Variants in SLC35F4 observed in about 807,000 individuals in gnomAD.
The protein encoded by SLC35F4 is solute carrier family 35 member F4.
SLC35F4 carries 24 observed loss-of-function variants against 44.2 expected under a neutral mutation model. That is an observed-to-expected ratio of 0.54 (90% CI 0.39 to 0.76). The LOEUF (loss-of-function observed/expected upper bound fraction) is 0.76. Among genes scored for constraint, SLC35F4 ranks in the 30% least tolerant of loss-of-function variants. The pLI is 0.00. For missense variants in SLC35F4, 562 were observed against 586.1 expected (o/e 0.96, Z 0.42); for synonymous variants, 238 against 223.6 (o/e 1.06, Z -0.57).
At chr14:57,647,558 G>C (rs1349370149) in intron 1 of SLC35F4, among the ~76,000 whole-genome samples, 1 of 152,066 alleles carries the variant, frequency 6.6e-6, no homozygotes, top group Non-Finnish European at 1.5e-5. Context: ...ACCCCTTAAT[G>C]TTTCAGTCCA....
At chr14:57,970,927 G>C (rs1301600734) in intron 1 of SLC35F4, among the ~76,000 whole-genome samples, 1 of 152,158 alleles carries the variant, frequency 6.6e-6, no homozygotes, top group Non-Finnish European at 1.5e-5. Flanking sequence ...TATGTTAATA[G>C]CTTAAATCCA....
intron 1 of SLC35F4, among the ~76,000 whole-genome samples, chr14:57,746,019 T>A (rs1225857429): frequency 6.7e-6 from 1 of 148,692 alleles, no homozygotes; most frequent in Non-Finnish European, 1.5e-5. Flanking sequence ...CACTCATAGG[T>A]GGGAATTGAA....
intron 1 of SLC35F4, among the ~76,000 whole-genome samples, chr14:57,874,143 A>T (rs1888350204): frequency 6.6e-6 from 1 of 152,216 alleles, no homozygotes; most frequent in Non-Finnish European, 1.5e-5. Context: ...ATGCATCTTC[A>T]TCTGACTACT....
chr14:57,665,505 A>G (rs2140249746), intron 1 of SLC35F4, among the ~76,000 whole-genome samples: 1 of 152,322 alleles, frequency 6.6e-6, no homozygotes, highest in East Asian at 1.9e-4. Flanking sequence ...GGTCACCCAG[A>G]CAGGAAGTGG....
chr14:57,736,295 T>C (rs956975097), intron 1 of SLC35F4, among the ~76,000 whole-genome samples: 5 of 152,078 alleles, frequency 3.3e-5, no homozygotes, highest in East Asian at 3.9e-4. Context: ...TTTACCCCAA[T>C]AGAAGTTTGA....
chr14:57,593,195 G>A (rs1036669389), intron 2 of SLC35F4, among the ~76,000 whole-genome samples: 3 of 152,194 alleles, frequency 2.0e-5, no homozygotes, highest in African/African-American at 4.8e-5. Context: ...GTCATACAAT[G>A]AGAGGAAGTG....
At chr14:57,694,489 AT>A (rs1458075263) in intron 1 of SLC35F4, among the ~76,000 whole-genome samples, 6 of 152,172 alleles carry the variant, frequency 3.9e-5, no homozygotes, top group African/African-American at 1.4e-4. Context: ...ATTGCAGAAT[AT>A]TATTCCCTTG....
intron 1 of SLC35F4, among the ~76,000 whole-genome samples, chr14:57,904,688 C>G (rs1018840891): frequency 6.6e-6 from 1 of 152,096 alleles, no homozygotes; most frequent in African/African-American, 2.4e-5. Context: ...CAATCCACAG[C>G]CCCGCTAGGT....
intron 4 of SLC35F4, among the ~76,000 whole-genome samples, chr14:57,580,212 G>A (rs1429024998): frequency 6.6e-6 from 1 of 152,016 alleles, no homozygotes. Context: ...CTAACTAACT[G>A]TTTTCTTAAG....
chr14:57,816,519 T>C lies in SLC35F4; in HGVS notation c.103+49204A>G, dbSNP rs191521111. Among the ~76,000 whole-genome samples the C allele has an allele frequency of 2.8e-3, 427 of 152,320 alleles. 2 individuals are homozygous for C. Among genetic ancestry groups the C allele is most frequent in the African/African-American group, 9.7e-3 (405 of 41,572 alleles). ...TACTATCTCAGAACCAGAAAACATA[T>C]ACGATCTCTTAACATTTTGTAGATG... On this transcript the variant is annotated intron_variant, in intron 1 of 7. Transcript: ENST00000556826.
chr14:57,787,402 A>G (rs563980353), intron 1 of SLC35F4, among the ~76,000 whole-genome samples: 3 of 152,302 alleles, frequency 2.0e-5, no homozygotes, highest in Admixed American at 2.0e-4. Flanking sequence ...AAACACAAGA[A>G]GCACAAAGAA....
chr14:57,978,066 A>G (rs1223836533), intron 1 of SLC35F4, among the ~76,000 whole-genome samples: 4 of 152,200 alleles, frequency 2.6e-5, no homozygotes, highest in African/African-American at 9.6e-5. Context: ...AAATCTTTGT[A>G]TCGTGCATTC....
chr14:57,784,905 A>C lies in SLC35F4; in HGVS notation c.103+80818T>G, dbSNP rs370250829. ...AAGACCTTTACAATGATCCACTTCC[A>C]CTTAATGAAGAGTGGGATGTTTTCT... On this transcript the variant is annotated intron_variant, in intron 1 of 7. Coordinates refer to ENST00000556826, the MANE Select transcript of SLC35F4 (RefSeq NM_001306087.2). Among the ~76,000 whole-genome samples, 573 of 152,242 alleles carry C rather than the reference A, an allele frequency of 3.8e-3. 5 individuals carry two copies. Among genetic ancestry groups the C allele is most frequent in the South Asian group, 0.024 (115 of 4,812 alleles).
chr14:57,592,139 C>T (rs959934711), intron 2 of SLC35F4, among the ~76,000 whole-genome samples: 1 of 152,254 alleles, frequency 6.6e-6, no homozygotes, highest in South Asian at 2.1e-4. Context: ...ATTGTTTTAC[C>T]AGGATTCTAT....
chr14:57,971,231 T>A (rs1393529500), intron 1 of SLC35F4, among the ~76,000 whole-genome samples: 1 of 152,190 alleles, frequency 6.6e-6, no homozygotes, highest in Non-Finnish European at 1.5e-5. Context: ...CCAAAACAAT[T>A]TCCTCTCTTT....
intron 1 of SLC35F4, among the ~76,000 whole-genome samples, chr14:57,796,453 T>A (rs1029789359): frequency 5.3e-5 from 8 of 152,210 alleles, no homozygotes; most frequent in Admixed American, 1.3e-4. Flanking sequence ...TTGTATACAA[T>A]CTTTTTATAG....
intron 1 of SLC35F4, among the ~76,000 whole-genome samples, chr14:57,614,312 G>A (rs1423287028): frequency 6.6e-6 from 1 of 152,202 alleles, no homozygotes; most frequent in Non-Finnish European, 1.5e-5. Flanking sequence ...GGTAATTACT[G>A]GAGGGGATCT....
chr14:57,677,544 G>A (rs958232030), intron 1 of SLC35F4, among the ~76,000 whole-genome samples: 57 of 152,164 alleles, frequency 3.7e-4, no homozygotes, highest in African/African-American at 1.2e-3. Flanking sequence ...CTGTTTGAGT[G>A]TTTTTATGAC....
intron 3 of SLC35F4, among the ~76,000 whole-genome samples, chr14:57,582,417 G>A (rs2069350818): frequency 6.6e-6 from 1 of 152,082 alleles, no homozygotes; most frequent in Non-Finnish European, 1.5e-5. Flanking sequence ...GCCTAGGCTG[G>A]TCTCAAACTC....
Sources: gnomAD v4.1 joint callset for allele counts (sites outside exome capture counted in the v4.1 genomes callset) on GRCh38, gnomAD v4.1.1 for gene constraint, MANE v1.5 for transcripts, NCBI Gene and HGNC (gene_info 2026-07-23, HGNC 2026-07-21) for gene names.